Variants in ST3GAL2 observed in about 807,000 individuals in gnomAD.
ST3GAL2 encodes the protein ST3 beta-galactoside alpha-2,3-sialyltransferase 2, also known as CMP-N-acetylneuraminate-beta-galactosamide-alpha-2,3-sialyltransferase 2.
In ST3GAL2, 16 loss-of-function variants were observed where a neutral mutation model predicts 37.5. The observed-to-expected ratio is 0.43, with a 90% CI of 0.29 to 0.65. The LOEUF (loss-of-function observed/expected upper bound fraction) is 0.65, where lower values mean the gene tolerates loss of function less well. Among genes scored for constraint, ST3GAL2 ranks in the 30% least tolerant of loss-of-function variants. The pLI is 0.17. For missense variants in ST3GAL2, 383 were observed against 487.8 expected (o/e 0.79, Z 2.02); for synonymous variants, 238 against 202.9 (o/e 1.17, Z -1.47).
chr16:70,430,847 G>A (rs1241428770), intron 1 of ST3GAL2, among the ~76,000 whole-genome samples: 2 of 152,032 alleles, frequency 1.3e-5, no homozygotes, highest in African/African-American at 4.8e-5. Flanking sequence ...CATTCCCTTT[G>A]GTTGCTGCCA....
intron 1 of ST3GAL2, among the ~76,000 whole-genome samples, chr16:70,407,044 T>C (rs1157181460): frequency 6.6e-6 from 1 of 151,980 alleles, no homozygotes; most frequent in African/African-American, 2.4e-5. Flanking sequence ...CCCTTTATTG[T>C]TGGGGTTGGA....
At chr16:70,404,866 T>G (rs1332332396) in intron 1 of ST3GAL2, among the ~76,000 whole-genome samples, 3 of 151,940 alleles carry the variant, frequency 2.0e-5, no homozygotes, top group African/African-American at 7.3e-5. Flanking sequence ...ACCCCATCTC[T>G]GTTAAAAATA....
At chr16:70,383,099 A>C (rs2151655956) in intron 5 of ST3GAL2, 91 bp downstream of exon 5, 2 of 1,589,052 alleles carry the variant, frequency 1.3e-6, no homozygotes. Flanking sequence ...GAGGTTCTGC[A>C]GGGGAAATGG....
At chr16:70,390,202 G>A (rs1239267722) in intron 3 of ST3GAL2, among the ~76,000 whole-genome samples, 2 of 152,190 alleles carry the variant, frequency 1.3e-5, no homozygotes, top group Non-Finnish European at 2.9e-5. Flanking sequence ...AGCCTCCCGA[G>A]TAGCTGGGAC....
Position 70,380,596 on chromosome 16 carries a change from G to A in ST3GAL2, c.*1093C>T, listed in dbSNP as rs2047392604. ...AGGGTGGAGGCAGGCGGCTTGCGGC[G>A]CGCAAGTCTCCTCTTCCCCGGCCGG... On this transcript the variant is annotated 3_prime_UTR_variant, in exon 7 of 7. Transcript: ENST00000342907. 2 of 152,334 alleles carry A rather than the reference G, an allele frequency of 1.3e-5. No homozygotes were observed. The highest frequency in any genetic ancestry group is 2.4e-5 in the African/African-American group (1 of 41,458). The allele number at this position is 152,334 out of a possible 1,614,324, so 9.4% of individuals were successfully genotyped here. A position where few individuals can be genotyped will look rare whatever the true frequency, so the allele number is the denominator to read the frequency against.
intron 1 of ST3GAL2, among the ~76,000 whole-genome samples, chr16:70,413,342 G>C (rs1307695901): frequency 6.6e-6 from 1 of 151,972 alleles, no homozygotes; most frequent in Non-Finnish European, 1.5e-5. Context: ...TTTGAACCAG[G>C]GAAGTCAAGG....
At position 70,381,466 on chromosome 16, in the gene ST3GAL2, A is replaced by G. The variant is rs377228455; in HGVS notation, c.*223T>C. 1 of 590,906 alleles carries G rather than the reference A, an allele frequency of 1.7e-6. No homozygotes were observed. The allele number at this position is 590,906 out of a possible 1,614,324, so 36.6% of individuals were successfully genotyped here. On this transcript the variant is annotated 3_prime_UTR_variant, in exon 7 of 7. Coordinates refer to ENST00000342907, the MANE Select transcript of ST3GAL2 (RefSeq NM_006927.4). ...GGAGGAGACTGGACACAGCGCCGGAAGTTTTCCTTGAGTCACATGATTGGC... is the reference window on the plus strand; with the variant it reads ...GGAGGAGACTGGACACAGCGCCGGAGGTTTTCCTTGAGTCACATGATTGGC...
chr16:70,424,547 G>A (rs1379563541), intron 1 of ST3GAL2, among the ~76,000 whole-genome samples: 1 of 151,200 alleles, frequency 6.6e-6, no homozygotes, highest in Non-Finnish European at 1.5e-5. Flanking sequence ...GTCGCGGTGA[G>A]CCGAGATTGT....
rs2047397678 is a variant in ST3GAL2 at position 70,380,985 on chromosome 16, T to G, written c.*704A>C. ...GAGGGCACACGTGAGTGACAGCACCTTGCACTGAAGGGGACAGGGCTTCCT... is the reference window on the plus strand; with the variant it reads ...GAGGGCACACGTGAGTGACAGCACCGTGCACTGAAGGGGACAGGGCTTCCT... On this transcript the variant is annotated 3_prime_UTR_variant, in exon 7 of 7. Coordinates refer to ENST00000342907, the MANE Select transcript of ST3GAL2 (RefSeq NM_006927.4). 6.6e-6 allele frequency: 1 copy of G among 152,462 alleles called. No individual in the cohort carries two copies. 9.4% of individuals were successfully genotyped at this position (152,462 alleles called of 1,614,324 possible).
chr16:70,438,498 A>T (rs1465814294), intron 1 of ST3GAL2, among the ~76,000 whole-genome samples: 1 of 152,000 alleles, frequency 6.6e-6, no homozygotes, highest in African/African-American at 2.4e-5. Flanking sequence ...CACAGGGGAG[A>T]GAGGAAAGAG....
In ST3GAL2 at chr16:70,398,302, C is replaced by T. The variant is rs764936922; in HGVS notation, c.229G>A (p.Gly77Ser). 3 of 1,613,286 alleles carry T rather than the reference C, an allele frequency of 1.9e-6. No individual in the cohort carries two copies. In the African/African-American group the frequency reaches 4.0e-5, roughly 22 times the overall value. Residue 77 changes from glycine to serine, a missense_variant, in exon 2 of 7, where the codon GGC (glycine) becomes AGC (serine). Gly to Ser is a moderately conservative substitution (Grantham distance 56). Transcript: ENST00000342907. ...AACCAGTCGGAGGCACCGGCATCGC[C>T]CATGCAGCGGCGACAGGCACAGCTC... ...GKSCACRRCM[G>S]DAGASDWFDS...
At chr16:70,427,347 T>C (rs1279124737) in intron 1 of ST3GAL2, among the ~76,000 whole-genome samples, 2 of 150,750 alleles carry the variant, frequency 1.3e-5, no homozygotes, top group Non-Finnish European at 3.0e-5. Context: ...TCTTTTTTTT[T>C]TTTTTTTTTG....
rs751720119 is a variant in ST3GAL2 at position 70,388,370 on chromosome 16, C to T, written c.710G>A (p.Arg237Gln). The T allele has an allele frequency of 1.7e-5, 27 of 1,614,012 alleles. No individual in the cohort carries two copies. Among genetic ancestry groups the T allele is most frequent in the East Asian group, 2.2e-5 (1 of 44,884 alleles). ...CCCAGGCCAGCAAGAAGCTCACAAT[C>T]GGATCTGCCCCGTGGACAAGGCGCT... Reference protein sequence around the residue: ...IASALSTGQIRFTYAPVKSFL... With the variant: ...IASALSTGQIQFTYAPVKSFL... The change falls in exon 4 of 7, where the codon CGA becomes CAA. Residue 237 changes from arginine to glutamine, a missense_variant. Physicochemically the swap from Arg to Gln is conservative, Grantham distance 43. This residue lies in a region of ST3GAL2 where 160 missense variants were observed against 248.6 expected (regional missense o/e 0.64). Coordinates refer to ENST00000342907, the MANE Select transcript of ST3GAL2 (RefSeq NM_006927.4).
At chr16:70,423,338 G>A (rs1422763382) in intron 1 of ST3GAL2, among the ~76,000 whole-genome samples, 3 of 152,052 alleles carry the variant, frequency 2.0e-5, no homozygotes, top group South Asian at 2.1e-4. Context: ...GTGAAATCCC[G>A]TCTCTACTAA....
chr16:70,414,398 G>C (rs1394423001), intron 1 of ST3GAL2, among the ~76,000 whole-genome samples: 2 of 152,190 alleles, frequency 1.3e-5, no homozygotes. Context: ...GATGTGGCCT[G>C]GGCAGGCCTT....
In ST3GAL2 at chr16:70,436,281, A is replaced by G. The variant is rs143141626; in HGVS notation, c.-1004+2668T>C. Among the ~76,000 whole-genome samples, 432 of 152,192 alleles carry G rather than the reference A, an allele frequency of 2.8e-3. 2 individuals are homozygous for G. The highest frequency in any genetic ancestry group is 9.9e-3 in the African/African-American group (410 of 41,534). ...CGTCTCTACTAAAAATACAAAAAGT[A>G]GCGGGGTGTCGTGGCGTATGCCTGT... On this transcript the variant is annotated intron_variant, in intron 1 of 6. Transcript: ENST00000342907.
chr16:70,414,697 G>A (rs796119799), intron 1 of ST3GAL2, among the ~76,000 whole-genome samples: 1 of 151,972 alleles, frequency 6.6e-6, no homozygotes, highest in Admixed American at 6.5e-5. Context: ...TTTTGAGATA[G>A]AGTCTCACTC....
chr16:70,394,178 C>T (rs571613823), intron 3 of ST3GAL2, among the ~76,000 whole-genome samples: 2 of 152,200 alleles, frequency 1.3e-5, no homozygotes, highest in Non-Finnish European at 2.9e-5. Context: ...CCCTTCCTCA[C>T]GGCTGGGCAT....
rs759629528 is a variant in ST3GAL2, at chr16:70,399,105, A to G, written c.-575T>C. On this transcript the variant is annotated 5_prime_UTR_variant, in exon 2 of 7. Coordinates refer to ENST00000342907, the MANE Select transcript of ST3GAL2 (RefSeq NM_006927.4). Reference sequence around the variant, plus strand: ...AAACCTCTGCCAGAGGAGGGGAGCCAGACCCCAACCCTGAGAGGACAAAAA... The same window carrying G: ...AAACCTCTGCCAGAGGAGGGGAGCCGGACCCCAACCCTGAGAGGACAAAAA... 1.2e-5 allele frequency: 5 copies of G among 400,688 alleles called. No individual in the cohort carries two copies. The highest frequency in any genetic ancestry group is 8.6e-5 in the Admixed American group (2 of 23,122). The allele number at this position is 400,688 out of a possible 1,614,324, so 24.8% of individuals were successfully genotyped here. A position where few individuals can be genotyped will look rare whatever the true frequency, so the allele number is the denominator to read the frequency against.
Sources: allele counts gnomAD v4.1 joint callset (sites outside exome capture counted in the v4.1 genomes callset), GRCh38; gene constraint gnomAD v4.1.1; regional missense constraint gnomAD v4.1.1; transcripts MANE v1.5; gene names NCBI Gene and HGNC (gene_info 2026-07-23, HGNC 2026-07-21).